MRTFA: variants seen among roughly 807,000 people sequenced by gnomAD.
MRTFA encodes myocardin-related transcription factor A.
A neutral mutation model predicts 83.5 loss-of-function variants in MRTFA; 20 were observed. That is an observed-to-expected ratio of 0.24 (90% CI 0.17 to 0.35). The LOEUF (loss-of-function observed/expected upper bound fraction) is 0.35. Among genes scored for constraint, MRTFA ranks in the 10% least tolerant of loss-of-function variants. The pLI, the probability that MRTFA is intolerant of heterozygous loss-of-function variation, is 1.00. For missense variants in MRTFA, 1,200 were observed against 1,224.7 expected, an observed-to-expected ratio of 0.98 and a Z score of 0.30; for synonymous variants, 659 against 541.2, an observed-to-expected ratio of 1.22 and a Z score of -3.02.
intron 9 of MRTFA, among the ~76,000 whole-genome samples, chr22:40,421,622 G>A (rs910937127): frequency 1.3e-5 from 2 of 152,182 alleles, no homozygotes; most frequent in African/African-American, 4.8e-5. Flanking sequence ...TTCTAACACA[G>A]GACTCCAAAA....
At chr22:40,606,820 C>T (rs536323283) in intron 1 of MRTFA, among the ~76,000 whole-genome samples, 109 of 152,168 alleles carry the variant, frequency 7.2e-4, no homozygotes, top group Admixed American at 2.3e-3. Flanking sequence ...CCTAACAAAG[C>T]CAAAGGAGCT....
At chr22:40,433,638 C>T (rs1009410790) in intron 5 of MRTFA, 3 of 152,330 alleles carry the variant, frequency 2.0e-5, no homozygotes, top group Admixed American at 1.3e-4. Context: ...GGTTCCAACA[C>T]CAGAAAAAGA....
At chr22:40,579,860 CA>C (rs199724138) in intron 2 of MRTFA, among the ~76,000 whole-genome samples, 1,186 of 115,346 alleles carry the variant, frequency 0.01, 11 homozygotes, top group African/African-American at 0.027. Context: ...AACTCCATCT[CA>C]AAAAAAAAAA....
chr22:40,431,777 T>C (rs1165061899), intron 5 of MRTFA, among the ~76,000 whole-genome samples: 1 of 150,440 alleles, frequency 6.6e-6, no homozygotes, highest in Non-Finnish European at 1.5e-5. Context: ...AAGTAATATA[T>C]GTCCAGCAAA....
chr22:40,635,334 TA>T (rs2056683610), intron 1 of MRTFA, among the ~76,000 whole-genome samples: 1 of 82,362 alleles, frequency 1.2e-5, no homozygotes. Context: ...TCTAACTTCT[TA>T]CTGACAATAA....
intron 3 of MRTFA, among the ~76,000 whole-genome samples, chr22:40,524,810 C>T (rs987984109): frequency 4.6e-5 from 7 of 152,060 alleles, no homozygotes; most frequent in Non-Finnish European, 8.8e-5. Flanking sequence ...TGTGCGTGTG[C>T]GTGTGTATGT....
chr22:40,425,581 C>T lies in MRTFA; in HGVS notation c.602-1200G>A, dbSNP rs996063631. 3.9e-5 allele frequency among the ~76,000 whole-genome samples: 6 copies of T among 152,328 alleles called. No homozygotes were observed. In the South Asian group the frequency reaches 1.0e-3, roughly 26 times the overall value. On this transcript the variant is annotated intron_variant, in intron 7 of 14. Transcript: ENST00000355630. ...TGCATCTGAGCTTCTTCCTTACTGG[C>T]GACTGTGGTGGTGGCTTGCTCCTCT...
At chr22:40,444,068 C>A (rs1438348141) in intron 4 of MRTFA, among the ~76,000 whole-genome samples, 4 of 152,186 alleles carry the variant, frequency 2.6e-5, no homozygotes, top group African/African-American at 4.8e-5. Context: ...CTTCTATTTC[C>A]ACCTGGTCAT....
intron 2 of MRTFA, among the ~76,000 whole-genome samples, chr22:40,581,253 T>C (rs1289323551): frequency 6.6e-6 from 1 of 152,196 alleles, no homozygotes; most frequent in South Asian, 2.1e-4. Context: ...TCTCTGTAGC[T>C]TCCAAATTTT....
At chr22:40,424,160 C>T in intron 8 of MRTFA, 46 bp downstream of exon 8, 1 of 1,552,992 alleles carries the variant, frequency 6.4e-7, no homozygotes, top group Middle Eastern at 2.3e-4. Flanking sequence ...CTCTGCGCAG[C>T]CCTAGCACCT....
intron 2 of MRTFA, among the ~76,000 whole-genome samples, chr22:40,588,779 C>T (rs1160305513): frequency 2.6e-5 from 4 of 152,124 alleles, no homozygotes; most frequent in Admixed American, 2.6e-4. Context: ...CCCAGGAGTT[C>T]GAGACCACCC....
chr22:40,500,317 CTTTT>C (rs112101641), intron 3 of MRTFA, among the ~76,000 whole-genome samples: 2 of 134,264 alleles, frequency 1.5e-5, no homozygotes, highest in Non-Finnish European at 3.3e-5. Flanking sequence ...ATATTGCTTT[CTTTT>C]TTTTTGTTAC....
chr22:40,455,421 C>CG (rs2053565180), intron 4 of MRTFA, among the ~76,000 whole-genome samples: 1 of 151,532 alleles, frequency 6.6e-6, no homozygotes, highest in Non-Finnish European at 1.5e-5. Flanking sequence ...CTGAGGCGGG[C>CG]GGATCACGAG....
chr22:40,455,680 G>T (rs1224112557), intron 4 of MRTFA, among the ~76,000 whole-genome samples: 1 of 150,914 alleles, frequency 6.6e-6, no homozygotes, highest in African/African-American at 2.4e-5. Flanking sequence ...GGAGTGGAGG[G>T]TGAGGAGTGG....
At chr22:40,536,921 T>C in intron 3 of MRTFA, among the ~76,000 whole-genome samples, 1 of 77,850 alleles carries the variant, frequency 1.3e-5, no homozygotes, top group Non-Finnish European at 2.6e-5. Flanking sequence ...CCGCCCCGTC[T>C]GAGAAGTGAG....
intron 6 of MRTFA, among the ~76,000 whole-genome samples, chr22:40,430,922 G>A (rs1180788135): frequency 1.3e-5 from 2 of 151,658 alleles, no homozygotes; most frequent in African/African-American, 4.8e-5. Flanking sequence ...TGTGCAGCTG[G>A]GGCCAGGTGG....
At chr22:40,457,473 A>AGAAAGAAAGAAAGGAAGAAAGAAG (rs1569275909) in intron 4 of MRTFA, among the ~76,000 whole-genome samples, 14 of 143,712 alleles carry the variant, frequency 9.7e-5, no homozygotes, top group South Asian at 6.5e-4. Flanking sequence ...AAAGAAAGAA[A>AGAAAGAAAGAAAGGAAGAAAGAAG]GAAAGAAAGA....
chr22:40,536,987 G>GC (rs1296139877), intron 3 of MRTFA, among the ~76,000 whole-genome samples: 2 of 89,150 alleles, frequency 2.2e-5, no homozygotes, highest in African/African-American at 8.9e-5. Context: ...TCTCCGCCCG[G>GC]CAGCCACCCC....
intron 1 of MRTFA, among the ~76,000 whole-genome samples, chr22:40,616,367 T>A (rs2056449192): frequency 6.6e-6 from 1 of 152,096 alleles, no homozygotes; most frequent in Non-Finnish European, 1.5e-5. Flanking sequence ...CATGGTATGA[T>A]TAGATATGCA....
Sources: allele counts gnomAD v4.1 joint callset (sites outside exome capture counted in the v4.1 genomes callset), GRCh38; gene constraint gnomAD v4.1.1; transcripts MANE v1.5; gene names NCBI Gene and HGNC (gene_info 2026-07-23, HGNC 2026-07-21).